CD1B: variants seen among roughly 807,000 people sequenced by gnomAD.
CD1B encodes the protein CD1b molecule, also known as T-cell surface glycoprotein CD1b.
In CD1B, 43 loss-of-function variants were observed where a neutral mutation model predicts 39.8. The ratio of observed to expected loss-of-function variants is 1.08; its 90% CI spans 0.85 to 1.39. The LOEUF (loss-of-function observed/expected upper bound fraction) is 1.39, where lower values mean the gene tolerates loss of function less well. Among genes scored for constraint, CD1B ranks in the 40% most tolerant of loss-of-function variants. The pLI, the probability that CD1B is intolerant of heterozygous loss-of-function variation, is 0.00. For missense variants in CD1B, 495 were observed against 403.8 expected (o/e 1.23, Z -1.94); for synonymous variants, 192 against 152.5 (o/e 1.26, Z -1.91).
the CD1B span, among the ~76,000 whole-genome samples, chr1:158,295,656 T>A: frequency 5.3e-5 from 8 of 152,086 alleles, no homozygotes; most frequent in African/African-American, 1.9e-4. Flanking sequence ...ACCATGATAT[T>A]TGGATGGGGC....
chr1:158,307,851 A>T, the CD1B span, among the ~76,000 whole-genome samples: 1 of 152,202 alleles, frequency 6.6e-6, no homozygotes, highest in Non-Finnish European at 1.5e-5. Flanking sequence ...AATAAGAGCT[A>T]TTTATGACAA....
At chr1:158,291,202 G>C in the CD1B span, 1 of 1,613,842 alleles carries the variant, frequency 6.2e-7, no homozygotes, top group Non-Finnish European at 8.5e-7. Flanking sequence ...CTGGGCACGA[G>C]GTCAGGGCTC....
At chr1:158,311,601 T>C in the CD1B span, among the ~76,000 whole-genome samples, 6 of 152,222 alleles carry the variant, frequency 3.9e-5, no homozygotes, top group Admixed American at 2.6e-4. Context: ...CATTCCCCTA[T>C]ATTTTCTTCT....
the CD1B span, among the ~76,000 whole-genome samples, chr1:158,318,949 C>T: frequency 2.6e-5 from 4 of 152,116 alleles, no homozygotes; most frequent in African/African-American, 9.7e-5. Context: ...ATATTTAATT[C>T]TGGGTTGAAA....
chr1:158,308,156 T>C, the CD1B span, among the ~76,000 whole-genome samples: 2 of 152,176 alleles, frequency 1.3e-5, no homozygotes, highest in Non-Finnish European at 2.9e-5. Flanking sequence ...ACAAAGTCAA[T>C]GTGCAAAAAT....
chr1:158,293,491 A>T, the CD1B span: 1 of 1,612,906 alleles, frequency 6.2e-7, no homozygotes, highest in Admixed American at 1.7e-5. Flanking sequence ...CTTCCCCCTG[A>T]CTCCCCCATT....
chr1:158,288,761 A>T, the CD1B span, among the ~76,000 whole-genome samples: 1 of 152,206 alleles, frequency 6.6e-6, no homozygotes, highest in Non-Finnish European at 1.5e-5. Flanking sequence ...GATTTAAGAA[A>T]CACTATAATA....
At chr1:158,291,279 T>C in the CD1B span, 1 of 1,614,168 alleles carries the variant, frequency 6.2e-7, no homozygotes, top group South Asian at 1.1e-5. Flanking sequence ...TTTTCCTGCA[T>C]AACTGGTCCA....
chr1:158,320,100 T>C, the CD1B span, among the ~76,000 whole-genome samples: 1 of 152,252 alleles, frequency 6.6e-6, no homozygotes, highest in Non-Finnish European at 1.5e-5. Context: ...CTGCAGAGGT[T>C]ACAGCTTTTT....
intron 2 of CD1B, chr1:158,330,472 G>A (rs1164868142): frequency 1.8e-6 from 1 of 557,680 alleles, no homozygotes; most frequent in Non-Finnish European, 3.2e-6. Flanking sequence ...ATGGATTAGG[G>A]GAGAAAGCCA....
downstream of CD1B, among the ~76,000 whole-genome samples, chr1:158,325,621 T>G: frequency 6.6e-6 from 1 of 151,210 alleles, no homozygotes; most frequent in Non-Finnish European, 1.5e-5. Context: ...TCTAGCTATC[T>G]GTCTGGACAT....
At chr1:158,290,056 G>A in the CD1B span, 1 of 1,613,372 alleles carries the variant, frequency 6.2e-7, no homozygotes, top group Admixed American at 1.7e-5. Context: ...AGAAACATCT[G>A]CAAATGACAT....
the CD1B span, among the ~76,000 whole-genome samples, chr1:158,305,969 G>A: frequency 6.6e-6 from 1 of 152,194 alleles, no homozygotes; most frequent in Non-Finnish European, 1.5e-5. Context: ...ACCAGCCACT[G>A]CAAAAACATG....
At chr1:158,313,352 C>A in the CD1B span, among the ~76,000 whole-genome samples, 1,873 of 152,162 alleles carry the variant, frequency 0.012, 38 homozygotes, top group African/African-American at 0.04. Context: ...ACTCTGTCAC[C>A]CAAGCTGGAG....
chr1:158,307,369 C>T, the CD1B span, among the ~76,000 whole-genome samples: 6 of 152,082 alleles, frequency 3.9e-5, no homozygotes, highest in South Asian at 2.1e-4. Flanking sequence ...GTACACCCCC[C>T]CAAGACTAAA....
chr1:158,294,130 A>T, the CD1B span, among the ~76,000 whole-genome samples: 1 of 152,312 alleles, frequency 6.6e-6, no homozygotes, highest in East Asian at 1.9e-4. Context: ...ATGCAAATAG[A>T]CAGAGAGTGT....
At chr1:158,331,142 T>C in intron 1 of CD1B, 80 bp from the exon 2 acceptor site, 1 of 1,411,330 alleles carries the variant, frequency 7.1e-7, no homozygotes, top group Non-Finnish European at 9.6e-7. Flanking sequence ...ATGAAAATGA[T>C]TTAGAAAACA....
chr1:158,310,967 T>G, the CD1B span, among the ~76,000 whole-genome samples: 1 of 152,148 alleles, frequency 6.6e-6, no homozygotes, highest in African/African-American at 2.4e-5. Context: ...GCTCATTACC[T>G]GTGTGACGAA....
chr1:158,327,978 T>A lies in CD1B; in HGVS notation c.*258A>T. On this transcript the variant is annotated 3_prime_UTR_variant, in exon 6 of 6. Transcript: ENST00000368168. Reference sequence around the variant, plus strand: ...AGTCATATGTATTATATTTCATTTATTTTGAGACACATTTTTTCTAACATT... The same window carrying A: ...AGTCATATGTATTATATTTCATTTAATTTGAGACACATTTTTTCTAACATT... The A allele has an allele frequency of 2.6e-6, 1 of 391,948 alleles. No homozygotes were observed. The highest frequency in any genetic ancestry group is 4.1e-5 in the Admixed American group (1 of 24,394). 24.3% of individuals were successfully genotyped at this position (391,948 alleles called of 1,614,324 possible). A position where few individuals can be genotyped will look rare whatever the true frequency, so the allele number is the denominator to read the frequency against.
Sources: allele counts gnomAD v4.1 joint callset (sites outside exome capture counted in the v4.1 genomes callset), GRCh38; gene constraint gnomAD v4.1.1; transcripts MANE v1.5; gene names NCBI Gene and HGNC (gene_info 2026-07-23, HGNC 2026-07-21).